PHACTR1: variants seen among roughly 807,000 people sequenced by gnomAD.
The protein encoded by PHACTR1 is phosphatase and actin regulator 1, also known as RPEL repeat containing 1.
A neutral mutation model predicts 69.2 loss-of-function variants in PHACTR1; 16 were observed. That is an observed-to-expected ratio of 0.23 (90% CI 0.16 to 0.35). The LOEUF (loss-of-function observed/expected upper bound fraction) is 0.35. Among genes scored for constraint, PHACTR1 ranks in the 10% least tolerant of loss-of-function variants. PHACTR1 has a pLI of 1.00. For synonymous variants in PHACTR1, 312 were observed against 284.5 expected (o/e 1.10, Z -0.97); for missense variants, 510 against 734.7 (o/e 0.69, Z 3.54).
At chr6:13,107,694 A>G (rs1287040417) in intron 5 of PHACTR1, among the ~76,000 whole-genome samples, 1 of 152,124 alleles carries the variant, frequency 6.6e-6, no homozygotes, top group Non-Finnish European at 1.5e-5. Context: ...TTTAATGTCT[A>G]TAGTATCAGT....
At chr6:12,889,424 C>T (rs1423805840) in intron 4 of PHACTR1, among the ~76,000 whole-genome samples, 5 of 152,158 alleles carry the variant, frequency 3.3e-5, no homozygotes, top group South Asian at 2.1e-4. Context: ...CTAATCAATG[C>T]GTGCTGGGAG....
chr6:12,721,527 G>A (rs189797521), intron 3 of PHACTR1, among the ~76,000 whole-genome samples: 18 of 152,248 alleles, frequency 1.2e-4, no homozygotes, highest in Admixed American at 4.6e-4. Flanking sequence ...TTCATTTCTT[G>A]TCCTGTCAAA....
At position 13,108,148 on chromosome 6, in the gene PHACTR1, A is replaced by G. The variant is rs1226352996; in HGVS notation, c.416-52056A>G. 2.6e-5 allele frequency among the ~76,000 whole-genome samples: 4 copies of G among 152,084 alleles called. No homozygotes were observed. In the East Asian group the frequency reaches 7.7e-4, roughly 29 times the overall value. On this transcript the variant is annotated intron_variant, in intron 5 of 14. Coordinates refer to ENST00000332995, the MANE Select transcript of PHACTR1 (RefSeq NM_030948.6). Reference sequence around the variant, plus strand: ...TTCTTCTTGGACTCATTGATTATGTATGCTAGTGTTGTTTAATTTTGTAAT... The same window carrying G: ...TTCTTCTTGGACTCATTGATTATGTGTGCTAGTGTTGTTTAATTTTGTAAT...
At chr6:13,144,811 G>A (rs13220463) in intron 5 of PHACTR1, among the ~76,000 whole-genome samples, 21,196 of 149,500 alleles carry the variant, frequency 0.14, 1,734 homozygotes, top group Middle Eastern at 0.21. Flanking sequence ...GAAATTCAAA[G>A]GACCAAGAAT....
intron 4 of PHACTR1, among the ~76,000 whole-genome samples, chr6:12,986,694 A>G (rs1481588662): frequency 2.0e-5 from 3 of 152,226 alleles, no homozygotes; most frequent in Non-Finnish European, 2.9e-5. Context: ...TGATGCCAGC[A>G]TAGAAGACAC....
chr6:12,957,930 TGAG>T, intron 4 of PHACTR1: 1 of 984,940 alleles, frequency 1.0e-6, no homozygotes. Context: ...GCCCGACACT[TGAG>T]GAGACTGTTG....
chr6:13,124,228 T>C lies in PHACTR1; in HGVS notation c.416-35976T>C, dbSNP rs1306391088. Among the ~76,000 whole-genome samples the C allele has an allele frequency of 2.6e-5, 4 of 152,306 alleles. No individual in the cohort carries two copies. In the East Asian group the frequency reaches 7.7e-4, roughly 29 times the overall value. On this transcript the variant is annotated intron_variant, in intron 5 of 14. Transcript: ENST00000332995. Reference sequence around the variant, plus strand: ...CCTCTTGTTGATGCTAGGAGAGTGATGCATCCCACCCGACTTGGGATGCCA... The same window carrying C: ...CCTCTTGTTGATGCTAGGAGAGTGACGCATCCCACCCGACTTGGGATGCCA...
chr6:12,920,694 G>A (rs776914664), intron 4 of PHACTR1, among the ~76,000 whole-genome samples: 14 of 152,248 alleles, frequency 9.2e-5, no homozygotes, highest in Non-Finnish European at 2.1e-4. Context: ...CATTATCAAA[G>A]TGCCCCTTTG....
intron 5 of PHACTR1, among the ~76,000 whole-genome samples, chr6:13,082,011 T>G (rs1288162387): frequency 1.3e-5 from 2 of 152,160 alleles, no homozygotes; most frequent in African/African-American, 4.8e-5. Context: ...TGGCCACACT[T>G]TCTTATGAGC....
At chr6:12,763,412 A>T (rs1475550773) in intron 4 of PHACTR1, among the ~76,000 whole-genome samples, 5 of 152,220 alleles carry the variant, frequency 3.3e-5, no homozygotes, top group African/African-American at 1.2e-4. Context: ...GATCTGTATG[A>T]ACAATTTCTG....
rs537021407 is a variant in PHACTR1, at chr6:13,189,912, C to T, written c.664+7226C>T. Reference sequence around the variant, plus strand: ...GGCTGGAAAGTCCAAGATCAAGGTCCGTAGGGTTCGGTTTCTAGTGACATA... The same window carrying T: ...GGCTGGAAAGTCCAAGATCAAGGTCTGTAGGGTTCGGTTTCTAGTGACATA... On this transcript the variant is annotated intron_variant, in intron 7 of 14. Coordinates refer to ENST00000332995, the MANE Select transcript of PHACTR1 (RefSeq NM_030948.6). Among the ~76,000 whole-genome samples, 326 of 151,886 alleles carry T rather than the reference C, an allele frequency of 2.1e-3. 1 individual carries two copies. The highest frequency in any genetic ancestry group is 3.7e-3 in the Non-Finnish European group (251 of 67,980).
chr6:13,043,989 C>T (rs1804618981), intron 4 of PHACTR1, among the ~76,000 whole-genome samples: 2 of 152,044 alleles, frequency 1.3e-5, no homozygotes, highest in South Asian at 4.2e-4. Flanking sequence ...GGATACATTC[C>T]TGGGAGATAA....
At chr6:13,066,374 A>G (rs1336995225) in intron 5 of PHACTR1, among the ~76,000 whole-genome samples, 3 of 152,162 alleles carry the variant, frequency 2.0e-5, no homozygotes, top group Non-Finnish European at 4.4e-5. Context: ...GTTTACTAAG[A>G]TCTGAAAGAG....
intron 4 of PHACTR1, among the ~76,000 whole-genome samples, chr6:12,976,798 C>T (rs1207354686): frequency 2.6e-5 from 4 of 152,122 alleles, no homozygotes; most frequent in African/African-American, 9.7e-5. Flanking sequence ...GATCAACTGT[C>T]CTGGTGTCAC....
chr6:13,051,844 C>T (rs1020954373), intron 4 of PHACTR1, among the ~76,000 whole-genome samples: 1 of 152,122 alleles, frequency 6.6e-6, no homozygotes, highest in Non-Finnish European at 1.5e-5. Context: ...TGTGTCTTCC[C>T]CAGAAATGAT....
At chr6:13,232,255 C>T (rs1771334629) in intron 10 of PHACTR1, among the ~76,000 whole-genome samples, 1 of 152,182 alleles carries the variant, frequency 6.6e-6, no homozygotes, top group Non-Finnish European at 1.5e-5. Flanking sequence ...AGGCATCATC[C>T]AACAGTATGC....
At chr6:12,966,123 G>A (rs1018415303) in intron 4 of PHACTR1, among the ~76,000 whole-genome samples, 1 of 152,154 alleles carries the variant, frequency 6.6e-6, no homozygotes, top group Non-Finnish European at 1.5e-5. Flanking sequence ...GAAGTCAGGT[G>A]AAGGTGATGG....
intron 4 of PHACTR1, among the ~76,000 whole-genome samples, chr6:12,998,706 T>C (rs1797734649): frequency 6.6e-6 from 1 of 151,676 alleles, no homozygotes; most frequent in South Asian, 2.1e-4. Context: ...AAAAAATCTT[T>C]ATATGACAAA....
intron 3 of PHACTR1, among the ~76,000 whole-genome samples, chr6:12,734,003 T>A (rs1164542066): frequency 6.6e-6 from 1 of 152,162 alleles, no homozygotes; most frequent in East Asian, 1.9e-4. Context: ...CAGTTCAACA[T>A]ACAAAGCCTG....
Sources: gnomAD v4.1 joint callset for allele counts (sites outside exome capture counted in the v4.1 genomes callset) on GRCh38, gnomAD v4.1.1 for gene constraint, MANE v1.5 for transcripts, NCBI Gene and HGNC (gene_info 2026-07-23, HGNC 2026-07-21) for gene names.